CENPK: variants seen among roughly 807,000 people sequenced by gnomAD.
CENPK encodes centromere protein K.
CENPK carries 46 observed loss-of-function variants against 40.9 expected under a neutral mutation model. The ratio of observed to expected loss-of-function variants is 1.13; its 90% CI spans 0.89 to 1.44. The LOEUF (loss-of-function observed/expected upper bound fraction) is 1.44. CENPK is among the 40% of genes most tolerant of loss of function. CENPK has a pLI of 0.00. For missense variants in CENPK, 288 were observed against 303.5 expected (o/e 0.95, Z 0.38); for synonymous variants, 107 against 104.4 (o/e 1.02, Z -0.15).
intron 2 of CENPK, among the ~76,000 whole-genome samples, chr5:65,560,310 C>T (rs1424197717): frequency 6.6e-6 from 1 of 151,220 alleles, no homozygotes; most frequent in Non-Finnish European, 1.5e-5. Flanking sequence ...AAACAACTCA[C>T]CATTAAAAAA....
chr5:65,552,772 A>G (rs1750315255), intron 3 of CENPK, among the ~76,000 whole-genome samples: 2 of 147,846 alleles, frequency 1.4e-5, no homozygotes, highest in Non-Finnish European at 1.5e-5. Context: ...AATGAAGAGG[A>G]AAAAAAAAAA....
intron 2 of CENPK, among the ~76,000 whole-genome samples, chr5:65,559,110 C>T (rs1751478261): frequency 6.6e-6 from 1 of 152,174 alleles, no homozygotes; most frequent in African/African-American, 2.4e-5. Context: ...TCCTCAATAT[C>T]TTTATTCATA....
intron 9 of CENPK, chr5:65,524,510 C>T (rs1223547260): frequency 6.9e-6 from 1 of 144,960 alleles, no homozygotes; most frequent in Non-Finnish European, 1.5e-5. Context: ...AAAAAAAAAC[C>T]CCCCCACACA....
chr5:65,518,650 T>C lies in CENPK; in HGVS notation c.652-17A>G. ...TATAAGAATCTAGGAGAAAATATCA[T>C]TCAAAATATACTTTACTTGGGAAAA... On this transcript the variant is annotated splice_polypyrimidine_tract_variant and intron_variant, in intron 10 of 10. Coordinates refer to ENST00000396679, the MANE Select transcript of CENPK (RefSeq NM_022145.5). The C allele has an allele frequency of 6.6e-7, 1 of 1,510,554 alleles. No homozygotes were observed. The highest frequency in any genetic ancestry group is 1.2e-5 in the South Asian group (1 of 83,930). 93.6% of individuals were successfully genotyped at this position (1,510,554 alleles called of 1,614,324 possible).
chr5:65,542,828 C>T lies in CENPK; in HGVS notation c.262G>A (p.Val88Ile), dbSNP rs548653305. ...TCTTCTTTTCCTAATGTTATGAGAA[C>T]GTCTTCAGTCAAGGGAATTGCTACA... Reference protein sequence around the residue: ...TPETIPLTEDVLITLGKEEFQ... With the variant: ...TPETIPLTEDILITLGKEEFQ... The change falls in exon 6 of 11, where the codon GTT becomes ATT. Residue 88 changes from valine (V) to isoleucine (I), a missense_variant. Physicochemically the swap from Val to Ile is conservative, Grantham distance 29. Transcript: ENST00000396679. 70 of 1,609,890 alleles carry T rather than the reference C, an allele frequency of 4.3e-5. No homozygotes were observed. Among genetic ancestry groups the T allele is most frequent in the Non-Finnish European group, 5.3e-5 (62 of 1,178,250 alleles).
Position 65,529,008 on chromosome 5 carries a change from C to T in CENPK, c.381G>A (p.Arg127=). 6.2e-7 allele frequency: 1 copy of T among 1,607,760 alleles called. No homozygotes were observed. The highest frequency in any genetic ancestry group is 1.3e-5 in the African/African-American group (1 of 74,834). The stretch of plus-strand genomic sequence containing the variant: ...TTATCTGTTGCTGTTCATCCAACCA[C>T]CGTTGTTCCCTTTCGACATGGAAAA... ...KLKEDLEREQ[R]WLDEQQQIME... is the part of the protein sequence containing the mutation. Residue 127 remains arginine (R), a synonymous_variant, in exon 8 of 11, where the codon CGG becomes CGA. Transcript: ENST00000396679.
At chr5:65,562,527 A>G (rs1335629936) in intron 1 of CENPK, among the ~76,000 whole-genome samples, 1 of 152,206 alleles carries the variant, frequency 6.6e-6, no homozygotes, top group Non-Finnish European at 1.5e-5. Context: ...TGCAGAGAAA[A>G]AAGAAGTGTT....
chr5:65,529,782 G>C (rs565161365), intron 6 of CENPK: 14 of 151,574 alleles, frequency 9.2e-5, no homozygotes, highest in African/African-American at 3.2e-4. Flanking sequence ...CACCGTGCCC[G>C]GCCCAGGTAC....
chr5:65,532,732 A>G (rs10461506), intron 6 of CENPK, among the ~76,000 whole-genome samples: 52,448 of 150,598 alleles, frequency 0.35, 9,602 homozygotes, highest in East Asian at 0.58. Context: ...CAACATGGAG[A>G]AACCCCGTCT....
chr5:65,526,964 G>A (rs763470827), intron 9 of CENPK, among the ~76,000 whole-genome samples: 1 of 152,024 alleles, frequency 6.6e-6, no homozygotes. Context: ...GCGGTGGCAC[G>A]CGTTTGTAGT....
At chr5:65,521,646 G>A in intron 9 of CENPK, 118 bp from the exon 10 acceptor site, 3 of 726,178 alleles carry the variant, frequency 4.1e-6, no homozygotes, top group East Asian at 6.1e-5. Context: ...TGGCGCCCAG[G>A]CTGGAGTGCA....
chr5:65,507,000 A>G, the CENPK span, among the ~76,000 whole-genome samples: 1 of 152,214 alleles, frequency 6.6e-6, no homozygotes, highest in Admixed American at 6.5e-5. Context: ...CCAGAAGGAA[A>G]ATTTATTATC....
chr5:65,523,369 G>GT (rs1240988009), intron 9 of CENPK, among the ~76,000 whole-genome samples: 5 of 152,144 alleles, frequency 3.3e-5, no homozygotes, highest in Admixed American at 3.3e-4. Context: ...TAATTATAAA[G>GT]TTGCCTACTA....
intron 2 of CENPK, among the ~76,000 whole-genome samples, chr5:65,557,660 G>A (rs1751219993): frequency 6.6e-6 from 1 of 152,160 alleles, no homozygotes; most frequent in South Asian, 2.1e-4. Flanking sequence ...TTCTAGCCAA[G>A]GCTCCAGATA....
chr5:65,555,157 T>C (rs144612674), intron 2 of CENPK: 9 of 265,412 alleles, frequency 3.4e-5, no homozygotes, highest in Middle Eastern at 1.1e-3. Context: ...ATAAGTGCCA[T>C]GGAGAAAAGA....
chr5:65,561,656 T>A (rs780403562), intron 1 of CENPK, 92 bp from the exon 2 acceptor site: 12 of 278,104 alleles, frequency 4.3e-5, no homozygotes, highest in Non-Finnish European at 9.2e-5. Context: ...ACATTTTGTA[T>A]CCTTAAACCT....
chr5:65,507,551 TTC>T, the CENPK span, among the ~76,000 whole-genome samples: 2 of 152,210 alleles, frequency 1.3e-5, no homozygotes, highest in Non-Finnish European at 2.9e-5. Context: ...GTCACTTTTA[TTC>T]TCTTACTCCC....
chr5:65,528,920 T>G lies in CENPK; in HGVS notation c.469A>C (p.Arg157=), dbSNP rs770828450. Residue 157 remains arginine, a splice_region_variant and synonymous_variant, in exon 8 of 11, where the codon AGA becomes CGA. Transcript: ENST00000396679. ...AAACCTAGAACATAAAATTAATACC[T>G]TGATTCAGAAAATGTTTCAACCTTA... The part of the protein sequence containing the change: ...KNKVETFSES[R]IFNELKTKML... 4.7e-6 allele frequency: 7 copies of G among 1,501,188 alleles called. No individual in the cohort carries two copies. In the East Asian group the frequency reaches 1.4e-4, roughly 29 times the overall value. The allele number at this position is 1,501,188 out of a possible 1,614,324, so 93.0% of individuals were successfully genotyped here.
intron 6 of CENPK, 81 bp from the exon 7 acceptor site, chr5:65,529,280 GTCCAGGATACT>G (rs1745301778): frequency 2.3e-6 from 2 of 863,412 alleles, no homozygotes; most frequent in Non-Finnish European, 3.7e-6. Flanking sequence ...TTACACAGTG[GTCCAGGATACT>G]TCCATTCAGA....
Sources: gnomAD v4.1 joint callset for allele counts (sites outside exome capture counted in the v4.1 genomes callset) on GRCh38, gnomAD v4.1.1 for gene constraint, MANE v1.5 for transcripts, NCBI Gene and HGNC (gene_info 2026-07-23, HGNC 2026-07-21) for gene names.